SRRM4: variants seen among roughly 807,000 people sequenced by gnomAD.
SRRM4 encodes the protein serine/arginine repetitive matrix protein 4.
SRRM4 carries 33 observed loss-of-function variants against 68.9 expected under a neutral mutation model. That is an observed-to-expected ratio of 0.48 (90% confidence interval 0.36 to 0.64). The LOEUF is 0.64. SRRM4 is among the 30% of genes least tolerant of loss of function. The pLI, the probability that SRRM4 is intolerant of heterozygous loss-of-function variation, is 0.00. For synonymous variants in SRRM4, 318 were observed against 318.8 expected (o/e 1.00, Z 0.03); for missense variants, 817 against 827.1 (o/e 0.99, Z 0.15).
intron 1 of SRRM4, among the ~76,000 whole-genome samples, chr12:119,080,011 C>T (rs939083957): frequency 1.8e-4 from 27 of 152,114 alleles, no homozygotes; most frequent in Non-Finnish European, 3.8e-4. Flanking sequence ...CCGAATTCAG[C>T]TACCGGTGCC....
intron 1 of SRRM4, among the ~76,000 whole-genome samples, chr12:119,067,654 G>A (rs1953854258): frequency 6.6e-6 from 1 of 152,076 alleles, no homozygotes; most frequent in Non-Finnish European, 1.5e-5. Flanking sequence ...GTTGCGGTGA[G>A]GCAAGATCAT....
intron 8 of SRRM4, among the ~76,000 whole-genome samples, chr12:119,142,487 G>A (rs1184393195): frequency 6.6e-6 from 1 of 152,170 alleles, no homozygotes; most frequent in Non-Finnish European, 1.5e-5. Context: ...GCCCAGAGGG[G>A]CCTCACATTC....
chr12:119,143,990 C>T (rs1199331998), intron 8 of SRRM4, among the ~76,000 whole-genome samples: 1 of 152,154 alleles, frequency 6.6e-6, no homozygotes, highest in Admixed American at 6.5e-5. Context: ...ACTGTGTCAT[C>T]CCAGCCACAA....
chr12:119,117,128 C>A, intron 4 of SRRM4, 120 bp downstream of exon 4: 1 of 842,660 alleles, frequency 1.2e-6, no homozygotes, highest in Non-Finnish European at 1.9e-6. Flanking sequence ...TTATCTATGT[C>A]TTTTTACGTA....
chr12:119,006,753 C>T (rs1048700946), intron 1 of SRRM4, among the ~76,000 whole-genome samples: 3 of 152,252 alleles, frequency 2.0e-5, no homozygotes, highest in African/African-American at 7.2e-5. Context: ...GAAATACCAC[C>T]ACTGATTCTA....
At chr12:119,012,662 C>A (rs914715779) in intron 1 of SRRM4, among the ~76,000 whole-genome samples, 11 of 152,168 alleles carry the variant, frequency 7.2e-5, no homozygotes, top group Non-Finnish European at 1.3e-4. Context: ...GCTCTCTGAG[C>A]CAAATTCTTC....
rs1954222669 is a variant in SRRM4, at chr12:119,122,029, G to A, written c.465-41G>A. On this transcript the variant is annotated intron_variant, in intron 5 of 12. Coordinates refer to ENST00000267260, the MANE Select transcript of SRRM4 (RefSeq NM_194286.4). The stretch of plus-strand genomic sequence containing the variant: ...TTAACTACTTGTTTATCTTTAACTA[G>A]AATTTTGCATCTTTCAATTAATTGA... 2.9e-6 allele frequency: 4 copies of A among 1,379,438 alleles called. No individual in the cohort carries two copies. In the East Asian group the frequency reaches 9.1e-5, roughly 31 times the overall value. The allele number at this position is 1,379,438 out of a possible 1,614,324, so 85.4% of individuals were successfully genotyped here. A position where few individuals can be genotyped will look rare whatever the true frequency, so the allele number is the denominator to read the frequency against.
At chr12:119,098,685 G>T (rs190409275) in intron 1 of SRRM4, among the ~76,000 whole-genome samples, 1 of 152,266 alleles carries the variant, frequency 6.6e-6, no homozygotes, top group African/African-American at 2.4e-5. Flanking sequence ...CTTCCCAAAA[G>T]CTTGCTCCCT....
intron 10 of SRRM4, 138 bp from the exon 11 acceptor site, chr12:119,153,401 C>G (rs764331166): frequency 1.6e-6 from 1 of 607,190 alleles, no homozygotes; most frequent in Non-Finnish European, 2.9e-6. Flanking sequence ...ATTCTTTGAT[C>G]GGGGCCCAGT....
At chr12:119,054,562 A>G (rs1174653497) in intron 1 of SRRM4, among the ~76,000 whole-genome samples, 1 of 152,122 alleles carries the variant, frequency 6.6e-6, no homozygotes, top group Non-Finnish European at 1.5e-5. Flanking sequence ...CCTACAGCAA[A>G]GTTTTGTTGT....
chr12:119,136,711 G>T (rs1954330823), intron 8 of SRRM4, among the ~76,000 whole-genome samples: 1 of 152,074 alleles, frequency 6.6e-6, no homozygotes, highest in Admixed American at 6.5e-5. Context: ...AATTTGGGCT[G>T]GTGATAATGT....
At chr12:119,063,061 T>C (rs151283420) in intron 1 of SRRM4, among the ~76,000 whole-genome samples, 1 of 152,332 alleles carries the variant, frequency 6.6e-6, no homozygotes, top group Non-Finnish European at 1.5e-5. Flanking sequence ...ATCTCAGCCA[T>C]TTAACTTCAA....
chr12:119,108,212 T>G (rs865874878), intron 2 of SRRM4, among the ~76,000 whole-genome samples: 7 of 152,270 alleles, frequency 4.6e-5, no homozygotes, highest in South Asian at 4.1e-4. Context: ...TTTTACATTT[T>G]CTGAGGAGTG....
chr12:119,038,749 G>C (rs1206221088), intron 1 of SRRM4, among the ~76,000 whole-genome samples: 4 of 152,130 alleles, frequency 2.6e-5, no homozygotes, highest in Admixed American at 6.5e-5. Flanking sequence ...GGTGCTACAA[G>C]GGGGTTCTGT....
intron 6 of SRRM4, among the ~76,000 whole-genome samples, chr12:119,124,665 T>G (rs1026744975): frequency 2.0e-5 from 3 of 152,282 alleles, no homozygotes; most frequent in East Asian, 1.9e-4. Flanking sequence ...GTAATTGGTG[T>G]TGTTCTAATT....
rs140165473 is a variant in SRRM4, at chr12:119,122,638, C to T, written c.515+518C>T. The stretch of plus-strand genomic sequence containing the variant: ...TGTGTGGTCTATATTTGTGCCTACA[C>T]CAATGCATTTGTGTGTCTGTGCTTG... On this transcript the variant is annotated intron_variant, in intron 6 of 12. Coordinates refer to ENST00000267260, the MANE Select transcript of SRRM4 (RefSeq NM_194286.4). 1.1e-3 allele frequency among the ~76,000 whole-genome samples: 164 copies of T among 152,202 alleles called. 1 individual carries two copies. Among genetic ancestry groups the T allele is most frequent in the Non-Finnish European group, 1.9e-3 (128 of 68,010 alleles).
chr12:119,128,233 G>A (rs1282956524), intron 7 of SRRM4, among the ~76,000 whole-genome samples: 1 of 152,178 alleles, frequency 6.6e-6, no homozygotes, highest in Admixed American at 6.5e-5. Flanking sequence ...GAGCCCAGAT[G>A]AGAACACCGC....
chr12:119,072,706 G>T (rs1204473194), intron 1 of SRRM4, among the ~76,000 whole-genome samples: 2 of 152,100 alleles, frequency 1.3e-5, no homozygotes, highest in Admixed American at 1.3e-4. Context: ...CTGGCCTCTG[G>T]GCAGATAGGC....
intron 1 of SRRM4, among the ~76,000 whole-genome samples, chr12:119,067,535 C>T (rs949189741): frequency 3.3e-5 from 5 of 152,032 alleles, no homozygotes; most frequent in Non-Finnish European, 7.4e-5. Flanking sequence ...GGTGAAACCC[C>T]GTCTTTACTA....
Sources: allele counts gnomAD v4.1 joint callset (sites outside exome capture counted in the v4.1 genomes callset), GRCh38; gene constraint gnomAD v4.1.1; transcripts MANE v1.5; gene names NCBI Gene and HGNC (gene_info 2026-07-23, HGNC 2026-07-21).